ATF7: variants seen among roughly 807,000 people sequenced by gnomAD.
ATF7 encodes the protein cyclic AMP-dependent transcription factor ATF-7.
ATF7 carries 10 observed loss-of-function variants against 50.4 expected under a neutral mutation model. The observed-to-expected ratio is 0.20, with a 90% confidence interval of 0.12 to 0.34. The LOEUF (loss-of-function observed/expected upper bound fraction) is 0.34. Ranked by LOEUF, ATF7 falls within the 10% of genes least tolerant of loss-of-function variation. ATF7 has a pLI of 1.00. For missense variants in ATF7, 465 were observed against 613.9 expected, an observed-to-expected ratio of 0.76 and a Z score of 2.56; for synonymous variants, 201 against 226.4, an observed-to-expected ratio of 0.89 and a Z score of 1.01.
At chr12:53,555,493 T>A (rs1263400517) in intron 2 of ATF7, among the ~76,000 whole-genome samples, 14 of 18,750 alleles carry the variant, frequency 7.5e-4, no homozygotes, top group Non-Finnish European at 1.9e-3. Context: ...TAATATAATT[T>A]TTTTTTTTTT....
intron 1 of ATF7, among the ~76,000 whole-genome samples, chr12:53,606,446 C>T (rs1943609301): frequency 6.6e-6 from 1 of 152,048 alleles, no homozygotes; most frequent in Non-Finnish European, 1.5e-5. Context: ...TGGGGTTTCT[C>T]CATGTTGGTC....
intron 11 of ATF7, among the ~76,000 whole-genome samples, chr12:53,519,053 C>CAAA (rs773430662): frequency 1.4e-5 from 1 of 73,404 alleles, no homozygotes; most frequent in Non-Finnish European, 3.1e-5. Context: ...GACTCCGTCT[C>CAAA]AAAAAAAAAA....
chr12:53,518,774 A>G lies in ATF7; in HGVS notation c.1235-1420T>C, dbSNP rs538306721. Reference sequence around the variant, plus strand: ...TTAAGATTCAAATATGGCCGGGCGCAGTGGCTCACGCCTGTAATCCCAGCA... The same window carrying G: ...TTAAGATTCAAATATGGCCGGGCGCGGTGGCTCACGCCTGTAATCCCAGCA... On this transcript the variant is annotated intron_variant, in intron 11 of 11. Transcript: ENST00000420353. 8.5e-5 allele frequency among the ~76,000 whole-genome samples: 13 copies of G among 152,256 alleles called. No homozygotes were observed. In the South Asian group the frequency reaches 1.7e-3, roughly 19 times the overall value.
At chr12:53,529,710 T>TACACACACACACACACACACAC (rs796404325) in intron 9 of ATF7, among the ~76,000 whole-genome samples, 168 of 132,206 alleles carry the variant, frequency 1.3e-3, no homozygotes, top group African/African-American at 4.0e-3. Flanking sequence ...TATATACACA[T>TACACACACACACACACACACAC]ACACACACAC....
Position 53,517,261 on chromosome 12 carries a change from C to A in ATF7, c.1328G>T (p.Arg443Leu). The change falls in exon 12 of 12, where the codon CGC (arginine) becomes CTC (leucine). Residue 443 changes from arginine (R) to leucine (L), a missense_variant. Arg to Leu is a moderately radical substitution (Grantham distance 102). Transcript: ENST00000420353. ...GGTGGCCACAGCTTCAGCTGCAGAG[C>A]GAACACTGAGGCCATTGCTAGGGGC... ...ATAPSNGLSV[R>L]SAAEAVATSV... 6.2e-7 allele frequency: 1 copy of A among 1,614,046 alleles called. No homozygotes were observed. The highest frequency in any genetic ancestry group is 8.5e-7 in the Non-Finnish European group (1 of 1,179,906).
chr12:53,543,701 C>A, intron 3 of ATF7: 1 of 433,514 alleles, frequency 2.3e-6, no homozygotes, highest in South Asian at 3.8e-5. Flanking sequence ...TATCCACGTA[C>A]CCACTTTTCT....
At chr12:53,571,312 T>C (rs1422899795) in intron 2 of ATF7, among the ~76,000 whole-genome samples, 1 of 152,160 alleles carries the variant, frequency 6.6e-6, no homozygotes, top group East Asian at 1.9e-4. Context: ...AATAAATTTC[T>C]TTTCTTTCAA....
Position 53,552,387 on chromosome 12 carries a change from G to A in ATF7, c.145+154C>T, listed in dbSNP as rs530904122. On this transcript the variant is annotated intron_variant, in intron 3 of 11. Coordinates refer to ENST00000420353, the MANE Select transcript of ATF7 (RefSeq NM_006856.3). ...AGTGGAGGGTACAAGAGAAACTTGGGAGCTTTTAGTGTTCCTTTTTCCTGA... is the reference window on the plus strand; with the variant it reads ...AGTGGAGGGTACAAGAGAAACTTGGAAGCTTTTAGTGTTCCTTTTTCCTGA... Among the ~76,000 whole-genome samples, 8 of 152,302 alleles carry A rather than the reference G, an allele frequency of 5.3e-5. No individual in the cohort carries two copies. In the East Asian group the frequency reaches 1.2e-3, roughly 22 times the overall value.
chr12:53,554,354 C>A (rs780515716), intron 2 of ATF7, among the ~76,000 whole-genome samples: 5 of 151,682 alleles, frequency 3.3e-5, no homozygotes, highest in Non-Finnish European at 5.9e-5. Context: ...TGGTCTTGAA[C>A]TCCTGACCTC....
chr12:53,537,353 A>T, intron 5 of ATF7, 62 bp downstream of exon 5: 1 of 1,589,488 alleles, frequency 6.3e-7, no homozygotes, highest in South Asian at 1.1e-5. Flanking sequence ...TACTATTTAT[A>T]TAATTAATGA....
chr12:53,524,293 A>AAAGAGC lies in ATF7; in HGVS notation c.1125+265_1125+270dup, dbSNP rs1361000755. On this transcript the variant is annotated intron_variant, in intron 10 of 11. Coordinates refer to ENST00000420353, the MANE Select transcript of ATF7 (RefSeq NM_006856.3). This position sits in a 1 kb window ranked among gnomAD's most constrained non-coding sequence, Gnocchi z 4.6. Reference sequence around the variant, plus strand: ...CCAGTCAGATTCTACAGATGATTTAAAAGAGCACCCTGGGGTGCTTAATCT... The same window carrying AAAGAGC: ...CCAGTCAGATTCTACAGATGATTTAAAAGAGCAAGAGCACCCTGGGGTGCTTAATCT... 6.6e-6 allele frequency among the ~76,000 whole-genome samples: 1 copy of AAAGAGC among 152,220 alleles called. No individual in the cohort carries two copies. Among genetic ancestry groups the AAAGAGC allele is most frequent in the Admixed American group, 6.5e-5 (1 of 15,272 alleles).
At chr12:53,611,460 C>A (rs1216701148) in intron 1 of ATF7, among the ~76,000 whole-genome samples, 1 of 152,046 alleles carries the variant, frequency 6.6e-6, no homozygotes. Flanking sequence ...GCAAAACAAA[C>A]AAACAAACAA....
At chr12:53,529,710 T>TATACACACACACACACACACACAC (rs1555216854) in intron 9 of ATF7, among the ~76,000 whole-genome samples, 1 of 132,250 alleles carries the variant, frequency 7.6e-6, no homozygotes, top group African/African-American at 3.0e-5. Flanking sequence ...TATATACACA[T>TATACACACACACACACACACACAC]ACACACACAC....
intron 9 of ATF7, among the ~76,000 whole-genome samples, chr12:53,527,817 A>G (rs1938565450): frequency 6.6e-6 from 1 of 151,952 alleles, no homozygotes; most frequent in Admixed American, 6.6e-5. Context: ...CTACTGAATT[A>G]TATTCTCCAT....
intron 1 of ATF7, among the ~76,000 whole-genome samples, chr12:53,612,874 C>T (rs1337235166): frequency 4.6e-5 from 7 of 152,026 alleles, no homozygotes; most frequent in African/African-American, 1.2e-4. Flanking sequence ...CATGGTAGCG[C>T]GCACCTGTAG....
intron 2 of ATF7, among the ~76,000 whole-genome samples, chr12:53,562,647 AAT>A (rs1491288210): frequency 3.9e-5 from 6 of 151,990 alleles, no homozygotes; most frequent in Non-Finnish European, 8.8e-5. Flanking sequence ...AAAAAAAAAA[AAT>A]TTTTTTTTGC....
chr12:53,521,490 G>A (rs1938128333), intron 11 of ATF7, among the ~76,000 whole-genome samples: 1 of 152,128 alleles, frequency 6.6e-6, no homozygotes, highest in Admixed American at 6.5e-5. Context: ...TTGCGACTTT[G>A]CATCTTTGCA....
chr12:53,524,931 A>G lies in ATF7; in HGVS notation c.928-170T>C. The stretch of plus-strand genomic sequence containing the variant: ...AAGCTTCCCTTTTGTAGGAGTCCTC[A>G]ATTTTGCCTCCTATTTCCTTCCAGT... On this transcript the variant is annotated intron_variant, in intron 9 of 11. Coordinates refer to ENST00000420353, the MANE Select transcript of ATF7 (RefSeq NM_006856.3). The surrounding 1 kb of genome is among the most constrained non-coding windows in gnomAD (Gnocchi z 4.6). 1.6e-6 allele frequency: 1 copy of G among 616,942 alleles called. No homozygotes were observed. 38.2% of individuals were successfully genotyped at this position (616,942 alleles called of 1,614,324 possible).
intron 2 of ATF7, among the ~76,000 whole-genome samples, chr12:53,577,054 T>C (rs575708897): frequency 9.7e-4 from 148 of 151,834 alleles, no homozygotes; most frequent in African/African-American, 3.5e-3. Context: ...AGAATCTGTC[T>C]CAAAAAACAA....
Sources: gnomAD v4.1 joint callset for allele counts (sites outside exome capture counted in the v4.1 genomes callset) on GRCh38, gnomAD v4.1.1 for gene constraint, Gnocchi (gnomAD v3.1) non-coding constraint, MANE v1.5 for transcripts, NCBI Gene and HGNC (gene_info 2026-07-23, HGNC 2026-07-21) for gene names.